The following CDH4 variants were observed in gnomAD, a reference collection of about 807,000 sequenced individuals.
CDH4 encodes cadherin 4, also known as cadherin-4.
In CDH4, 33 loss-of-function variants were observed where a neutral mutation model predicts 86.0. The ratio of observed to expected loss-of-function variants is 0.38; its 90% CI spans 0.29 to 0.51. CDH4 has a LOEUF of 0.51. Among genes scored for constraint, CDH4 ranks in the 20% least tolerant of loss-of-function variants. CDH4 has a pLI of 0.86. For missense variants in CDH4, 1,114 were observed against 1,307.4 expected (o/e 0.85, Z 2.28); for synonymous variants, 555 against 549.4 (o/e 1.01, Z -0.14).
At position 61,330,540 on chromosome 20, in the gene CDH4, AT is replaced by A. The variant is rs199995971; in HGVS notation, c.169+75605del. The stretch of plus-strand genomic sequence containing the variant: ...GCAGCCTGTGCTTTGGTTGAATAAG[AT>A]TCAAGTCGTTGTAGGCAGTTGCCTT... On this transcript the variant is annotated intron_variant, in intron 2 of 15. Coordinates refer to ENST00000614565, the MANE Select transcript of CDH4 (RefSeq NM_001794.5). Among the ~76,000 whole-genome samples the A allele has an allele frequency of 2.7e-3, 405 of 152,340 alleles. 15 individuals are homozygous for A. The East Asian group carries it at 0.068, about 26-fold the overall frequency.
At chr20:61,677,256 G>C (rs1477844876) in intron 2 of CDH4, among the ~76,000 whole-genome samples, 1 of 152,180 alleles carries the variant, frequency 6.6e-6, no homozygotes, top group East Asian at 1.9e-4. Context: ...TCCTGGTTCA[G>C]ATTCAAGTAC....
In CDH4 at chr20:61,329,821, A is replaced by G. The variant is rs190029411; in HGVS notation, c.169+74884A>G. Among the ~76,000 whole-genome samples the G allele has an allele frequency of 6.6e-3, 1,005 of 151,978 alleles. 2 individuals are homozygous for G. Among genetic ancestry groups the G allele is most frequent in the Non-Finnish European group, 0.011 (758 of 67,970 alleles). On this transcript the variant is annotated intron_variant, in intron 2 of 15. Coordinates refer to ENST00000614565, the MANE Select transcript of CDH4 (RefSeq NM_001794.5). ...GTATTATGCCCTACGTGCATTAGCT[A>G]TTTATCCTGATGTTCTCCCTCCCCC...
At chr20:61,875,258 C>A (rs1983968644) in intron 7 of CDH4, among the ~76,000 whole-genome samples, 1 of 152,160 alleles carries the variant, frequency 6.6e-6, no homozygotes, top group Admixed American at 6.6e-5. Context: ...GGGAAGAGCA[C>A]AAAGGGGATT....
chr20:61,277,402 G>C (rs576209225), intron 2 of CDH4, among the ~76,000 whole-genome samples: 2 of 152,326 alleles, frequency 1.3e-5, no homozygotes, highest in South Asian at 4.1e-4. Flanking sequence ...TTAGATAGCA[G>C]CGAGAGAAGT....
chr20:61,259,937 C>A (rs2123119024), intron 2 of CDH4, among the ~76,000 whole-genome samples: 1 of 152,306 alleles, frequency 6.6e-6, no homozygotes, highest in South Asian at 2.1e-4. Context: ...GATGTGATGG[C>A]TGAGGGAAAG....
chr20:61,899,910 A>G (rs1475050318), intron 8 of CDH4, among the ~76,000 whole-genome samples: 1 of 152,242 alleles, frequency 6.6e-6, no homozygotes, highest in Non-Finnish European at 1.5e-5. Flanking sequence ...TGGTTTTGCC[A>G]GAGGCAGGGT....
Position 61,755,000 on chromosome 20 carries a change from A to T in CDH4, c.396+11211A>T, listed in dbSNP as rs1317158885. On this transcript the variant is annotated intron_variant, in intron 3 of 15. Coordinates refer to ENST00000614565, the MANE Select transcript of CDH4 (RefSeq NM_001794.5). This position sits in a 1 kb window ranked among gnomAD's most constrained non-coding sequence, Gnocchi z 4.7. Reference sequence around the variant, plus strand: ...GGTTTAGTTGGACTTACAGTTCCACATGGCTGTGAGGCCTCAGAATTATGG... The same window carrying T: ...GGTTTAGTTGGACTTACAGTTCCACTTGGCTGTGAGGCCTCAGAATTATGG... 6.6e-6 allele frequency: 1 copy of T among 152,366 alleles called. No homozygotes were observed. The highest frequency in any genetic ancestry group is 1.5e-5 in the Non-Finnish European group (1 of 68,082). The allele number at this position is 152,366 out of a possible 1,614,324, so 9.4% of individuals were successfully genotyped here. A position where few individuals can be genotyped will look rare whatever the true frequency, so the allele number is the denominator to read the frequency against.
At chr20:61,425,811 GC>G (rs562279024) in intron 2 of CDH4, among the ~76,000 whole-genome samples, 69 of 149,290 alleles carry the variant, frequency 4.6e-4, no homozygotes, top group African/African-American at 1.7e-3. Flanking sequence ...ATTCTCAAAG[GC>G]CCCGCCCAGG....
At chr20:61,583,060 T>C (rs762088191) in intron 2 of CDH4, among the ~76,000 whole-genome samples, 3 of 151,258 alleles carry the variant, frequency 2.0e-5, no homozygotes, top group Non-Finnish European at 4.4e-5. Flanking sequence ...TTTCCAGATG[T>C]TCTTGGTGTT....
At chr20:61,760,955 G>C (rs2088626187) in intron 3 of CDH4, among the ~76,000 whole-genome samples, 3 of 152,182 alleles carry the variant, frequency 2.0e-5, no homozygotes, top group African/African-American at 7.2e-5. Context: ...TTGTTCTGTT[G>C]TTTTAGTGTG....
chr20:61,728,556 G>A (rs2088141493), intron 2 of CDH4, among the ~76,000 whole-genome samples: 1 of 152,148 alleles, frequency 6.6e-6, no homozygotes, highest in Non-Finnish European at 1.5e-5. Flanking sequence ...TGCCCCAGCG[G>A]TGGAACCTCG....
At chr20:61,625,220 G>A (rs1039331191) in intron 2 of CDH4, among the ~76,000 whole-genome samples, 1 of 152,188 alleles carries the variant, frequency 6.6e-6, no homozygotes, top group African/African-American at 2.4e-5. Context: ...GAGGCACCCG[G>A]ACCCAGGCGT....
intron 2 of CDH4, among the ~76,000 whole-genome samples, chr20:61,584,314 G>A (rs1000516763): frequency 6.6e-6 from 1 of 152,212 alleles, no homozygotes; most frequent in Non-Finnish European, 1.5e-5. Context: ...CTGACAGACA[G>A]CATCGTCGAC....
intron 2 of CDH4, among the ~76,000 whole-genome samples, chr20:61,305,938 T>C (rs1202024140): frequency 6.6e-6 from 1 of 152,244 alleles, no homozygotes; most frequent in Admixed American, 6.5e-5. Context: ...CCCTAGTTGC[T>C]CTTGGACTTT....
intron 6 of CDH4, among the ~76,000 whole-genome samples, chr20:61,857,648 G>A (rs1220698157): frequency 6.6e-6 from 1 of 152,268 alleles, no homozygotes; most frequent in Non-Finnish European, 1.5e-5. Flanking sequence ...CTTCCCGATG[G>A]GATTTCACTG....
In CDH4 at chr20:61,938,920, G is replaced by A. The variant is rs947438070; in HGVS notation, c.*1977G>A. On this transcript the variant is annotated 3_prime_UTR_variant, in exon 16 of 16. Coordinates refer to ENST00000614565, the MANE Select transcript of CDH4 (RefSeq NM_001794.5). ...CTGCCCAGGGAGGGCGGGGTTCACT[G>A]TGCCACGTGCTGGGTGCCCCCCTCT... 5.9e-5 allele frequency: 9 copies of A among 152,406 alleles called. No individual in the cohort carries two copies. Among genetic ancestry groups the A allele is most frequent in the Admixed American group, 2.6e-4 (4 of 15,312 alleles). 9.4% of individuals were successfully genotyped at this position (152,406 alleles called of 1,614,324 possible). A position where few individuals can be genotyped will look rare whatever the true frequency, so the allele number is the denominator to read the frequency against.
intron 15 of CDH4, among the ~76,000 whole-genome samples, chr20:61,936,142 C>G (rs1010493139): frequency 6.6e-6 from 1 of 151,908 alleles, no homozygotes; most frequent in African/African-American, 2.4e-5. Flanking sequence ...TGACTTCTGT[C>G]CACCCTAGGT....
intron 2 of CDH4, among the ~76,000 whole-genome samples, chr20:61,559,035 T>G (rs1038670881): frequency 6.6e-6 from 1 of 152,202 alleles, no homozygotes. Flanking sequence ...AAAGCACTGC[T>G]GGGCCGGGCG....
intron 5 of CDH4, among the ~76,000 whole-genome samples, chr20:61,850,298 G>A (rs763698550): frequency 1.3e-5 from 2 of 152,242 alleles, no homozygotes; most frequent in Non-Finnish European, 1.5e-5. Context: ...GTTAACGTGT[G>A]TAGGGTTCTT....
Sources: gnomAD v4.1 joint callset for allele counts (sites outside exome capture counted in the v4.1 genomes callset) on GRCh38, gnomAD v4.1.1 for gene constraint, Gnocchi (gnomAD v3.1) non-coding constraint, MANE v1.5 for transcripts, NCBI Gene and HGNC (gene_info 2026-07-23, HGNC 2026-07-21) for gene names.